NIBAN1: variants seen among roughly 807,000 people sequenced by gnomAD.
The protein encoded by NIBAN1 is protein Niban 1.
NIBAN1 carries 81 observed loss-of-function variants against 75.1 expected under a neutral mutation model. That is an observed-to-expected ratio of 1.08 (90% confidence interval 0.90 to 1.30). The LOEUF (loss-of-function observed/expected upper bound fraction) is 1.30. Among genes scored for constraint, NIBAN1 ranks in the 50% most tolerant of loss-of-function variants. The pLI, the probability that NIBAN1 is intolerant of heterozygous loss-of-function variation, is 0.00. For missense variants in NIBAN1, 1,133 were observed against 1,128.1 expected (o/e 1.00, Z -0.06); for synonymous variants, 436 against 424.8 (o/e 1.03, Z -0.32).
intron 5 of NIBAN1, among the ~76,000 whole-genome samples, chr1:184,860,227 G>T (rs1403573906): frequency 6.6e-6 from 1 of 150,648 alleles, no homozygotes; most frequent in Admixed American, 6.6e-5. Flanking sequence ...GGTATGCAAA[G>T]CTGTAGGCAG....
intron 9 of NIBAN1, among the ~76,000 whole-genome samples, chr1:184,811,030 C>G (rs1654362442): frequency 6.6e-6 from 1 of 152,144 alleles, no homozygotes; most frequent in Admixed American, 6.5e-5. Context: ...GTGTTTTGAG[C>G]TCTCTGAGTT....
At position 184,795,663 on chromosome 1, in the gene NIBAN1, C is replaced by T. The variant is rs746613515; in HGVS notation, c.2101G>A (p.Glu701Lys). ...AAAGAACCCGAGGCAGTGATGGGTTCTGGCTCTTCCTGGGCGGGTTCTTCA... is the reference window on the plus strand; with the variant it reads ...AAAGAACCCGAGGCAGTGATGGGTTTTGGCTCTTCCTGGGCGGGTTCTTCA... ...EDEEPAQEEPEPITASGSLKA... is the reference protein window; with the variant it reads ...EDEEPAQEEPKPITASGSLKA... Residue 701 changes from glutamate to lysine, a missense_variant, in exon 14 of 14, where the codon GAA (glutamate) becomes AAA (lysine). By Grantham distance (56) the Glu-to-Lys change is moderately conservative. Transcript: ENST00000367511. 4.3e-6 allele frequency: 7 copies of T among 1,614,076 alleles called. No homozygotes were observed. In the Admixed American group the frequency reaches 1.0e-4, roughly 23 times the overall value.
At chr1:184,962,840 CTT>C (rs1658686301) in intron 1 of NIBAN1, among the ~76,000 whole-genome samples, 1 of 152,190 alleles carries the variant, frequency 6.6e-6, no homozygotes, top group East Asian at 1.9e-4. Flanking sequence ...AAACCAGTAA[CTT>C]ATATTAAACA....
intron 1 of NIBAN1, 24 bp downstream of exon 1, chr1:184,974,278 A>C: frequency 6.5e-7 from 1 of 1,547,458 alleles, no homozygotes; most frequent in South Asian, 1.2e-5. Context: ...GGTGCTCCCC[A>C]GGCCCCCGGG....
chr1:184,946,553 T>C (rs979163011), intron 1 of NIBAN1, among the ~76,000 whole-genome samples: 2 of 152,208 alleles, frequency 1.3e-5, no homozygotes, highest in Non-Finnish European at 2.9e-5. Context: ...GGAAAGATTA[T>C]GGAGTTGACA....
chr1:184,958,488 C>G (rs1658547832), intron 1 of NIBAN1, among the ~76,000 whole-genome samples: 1 of 152,052 alleles, frequency 6.6e-6, no homozygotes. Flanking sequence ...GCTAAAGCAG[C>G]TGAGCGTTCA....
chr1:184,932,547 A>G (rs956866483), intron 1 of NIBAN1, among the ~76,000 whole-genome samples: 1 of 152,120 alleles, frequency 6.6e-6, no homozygotes, highest in Non-Finnish European at 1.5e-5. Context: ...AATACAGATG[A>G]AGCTTCGCTT....
At chr1:184,845,316 G>C (rs1655407862) in intron 5 of NIBAN1, among the ~76,000 whole-genome samples, 1 of 152,046 alleles carries the variant, frequency 6.6e-6, no homozygotes. Flanking sequence ...TTAATAACTT[G>C]GCTAACAACA....
In NIBAN1 at chr1:184,954,140, G is replaced by A. The variant is rs750100171; in HGVS notation, c.55+20162C>T. Among the ~76,000 whole-genome samples the A allele has an allele frequency of 2.6e-5, 4 of 152,254 alleles. No homozygotes were observed. The South Asian group carries it at 6.2e-4, about 24-fold the overall frequency. ...GCTCAAATGTGATTTTATGGAAATC[G>A]GTGAGTTAGAGAGGGAGAGTAAGTT... On this transcript the variant is annotated intron_variant, in intron 1 of 13. Coordinates refer to ENST00000367511, the MANE Select transcript of NIBAN1 (RefSeq NM_052966.4).
intron 1 of NIBAN1, among the ~76,000 whole-genome samples, chr1:184,936,357 G>C (rs1023122499): frequency 6.6e-6 from 1 of 152,174 alleles, no homozygotes. Context: ...AAGGGAAGTG[G>C]GGAGGAACAG....
chr1:184,828,865 C>T (rs1467627648), intron 6 of NIBAN1, among the ~76,000 whole-genome samples: 1 of 151,770 alleles, frequency 6.6e-6, no homozygotes, highest in Non-Finnish European at 1.5e-5. Flanking sequence ...GGCACAATCA[C>T]AGCTCACTGC....
intron 2 of NIBAN1, 131 bp from the exon 3 acceptor site, chr1:184,894,337 C>T: frequency 1.1e-6 from 1 of 920,828 alleles, no homozygotes; most frequent in East Asian, 3.0e-5. Flanking sequence ...GAAACTGTTG[C>T]TTCCTCCTCT....
intron 5 of NIBAN1, among the ~76,000 whole-genome samples, chr1:184,865,341 G>A (rs1410634860): frequency 1.3e-5 from 2 of 152,108 alleles, no homozygotes; most frequent in Non-Finnish European, 2.9e-5. Context: ...GCCATTATAA[G>A]CAAATTAACA....
intron 1 of NIBAN1, among the ~76,000 whole-genome samples, chr1:184,935,245 T>C (rs1657925789): frequency 2.0e-5 from 3 of 151,756 alleles, no homozygotes; most frequent in Admixed American, 1.3e-4. Flanking sequence ...CTGGGAATCG[T>C]GGTTCACCCA....
chr1:184,823,306 C>G lies in NIBAN1; in HGVS notation c.846G>C (p.Leu282=). The change falls in exon 8 of 14, where the codon CTG becomes CTC. Residue 282 remains leucine, a synonymous_variant. Coordinates refer to ENST00000367511, the MANE Select transcript of NIBAN1 (RefSeq NM_052966.4). ...WLGLLEEAYT[L]VQHQVSEGLS... Reference sequence around the variant, plus strand: ...ATCCTTCTGAAACTTGATGCTGAACCAGGGTGTAGGCCTCCTCGAGGAGCT... The same window carrying G: ...ATCCTTCTGAAACTTGATGCTGAACGAGGGTGTAGGCCTCCTCGAGGAGCT... 3 of 1,614,142 alleles carry G rather than the reference C, an allele frequency of 1.9e-6. No homozygotes were observed. The highest frequency in any genetic ancestry group is 1.1e-5 in the South Asian group (1 of 91,086).
intron 9 of NIBAN1, among the ~76,000 whole-genome samples, chr1:184,811,514 T>G (rs1215286624): frequency 1.6e-5 from 2 of 121,482 alleles, no homozygotes; most frequent in Admixed American, 7.8e-5. Flanking sequence ...TTTTTTTTTG[T>G]TTTTTTTTTT....
chr1:184,914,168 G>C (rs1428514593), intron 1 of NIBAN1, among the ~76,000 whole-genome samples: 1 of 152,182 alleles, frequency 6.6e-6, no homozygotes, highest in Non-Finnish European at 1.5e-5. Context: ...ACTTCAGAAA[G>C]GTGCAGGTCT....
intron 1 of NIBAN1, among the ~76,000 whole-genome samples, chr1:184,943,629 C>CTAATA (rs768946118): frequency 1.1e-3 from 171 of 152,164 alleles, no homozygotes; most frequent in African/African-American, 3.9e-3. Flanking sequence ...AAGTCATAGA[C>CTAATA]TAATAACTCA....
intron 1 of NIBAN1, among the ~76,000 whole-genome samples, chr1:184,923,161 T>G (rs1321194024): frequency 6.6e-6 from 1 of 152,220 alleles, no homozygotes; most frequent in Non-Finnish European, 1.5e-5. Flanking sequence ...CTAGAGAGTT[T>G]CCCTAATGTT....
Sources: gnomAD v4.1 joint callset for allele counts (sites outside exome capture counted in the v4.1 genomes callset) on GRCh38, gnomAD v4.1.1 for gene constraint, MANE v1.5 for transcripts, NCBI Gene and HGNC (gene_info 2026-07-23, HGNC 2026-07-21) for gene names.